Variants in XYLT1 observed in about 807,000 individuals in gnomAD.
XYLT1 encodes the protein beta-D-xylosyltransferase 1.
Under a neutral mutation model 91.3 loss-of-function variants are expected in XYLT1, and 36 were observed. The ratio of observed to expected loss-of-function variants is 0.39; its 90% CI spans 0.30 to 0.52. The LOEUF (loss-of-function observed/expected upper bound fraction) is 0.52, where lower values mean the gene tolerates loss of function less well. Among genes scored for constraint, XYLT1 ranks in the 20% least tolerant of loss-of-function variants. The probability of loss-of-function intolerance (pLI) is 0.68; values close to 1 mark genes in which losing one functional copy is unlikely to be tolerated. For missense variants in XYLT1, 1,242 were observed against 1,284.5 expected (o/e 0.97, Z 0.51); for synonymous variants, 588 against 532.0 (o/e 1.11, Z -1.45).
At chr16:17,374,718 CA>C (rs1010894897) in intron 1 of XYLT1, among the ~76,000 whole-genome samples, 3 of 149,882 alleles carry the variant, frequency 2.0e-5, no homozygotes, top group Admixed American at 2.0e-4. Flanking sequence ...AATAGAAGGA[CA>C]AAAAAAATCA....
chr16:17,111,437 G>A (rs1483050282), intron 11 of XYLT1, among the ~76,000 whole-genome samples: 2 of 152,084 alleles, frequency 1.3e-5, no homozygotes, highest in African/African-American at 2.4e-5. Flanking sequence ...GGTGAGTTGC[G>A]CTTTACCAAA....
At chr16:17,385,878 A>G (rs906921193) in intron 1 of XYLT1, among the ~76,000 whole-genome samples, 1 of 152,224 alleles carries the variant, frequency 6.6e-6, no homozygotes, top group Non-Finnish European at 1.5e-5. Context: ...TACTCAACTA[A>G]CAGTGGCAAT....
intron 1 of XYLT1, among the ~76,000 whole-genome samples, chr16:17,372,649 T>C (rs1596509251): frequency 6.6e-6 from 1 of 152,234 alleles, no homozygotes; most frequent in East Asian, 1.9e-4. Flanking sequence ...TTTCCATTCA[T>C]TATCTTCTTC....
chr16:17,170,864 G>T (rs1437698616), intron 5 of XYLT1, among the ~76,000 whole-genome samples: 2 of 152,210 alleles, frequency 1.3e-5, no homozygotes, highest in Non-Finnish European at 2.9e-5. Flanking sequence ...TGACATCAGA[G>T]AAATGTAGGT....
intron 3 of XYLT1, among the ~76,000 whole-genome samples, chr16:17,228,704 C>T (rs903259603): frequency 2.6e-5 from 4 of 152,126 alleles, no homozygotes; most frequent in South Asian, 4.1e-4. Context: ...TTTGCTCCTC[C>T]GGACCTGTGT....
intron 5 of XYLT1, among the ~76,000 whole-genome samples, chr16:17,187,558 C>T (rs1333156605): frequency 1.8e-4 from 18 of 101,230 alleles, no homozygotes; most frequent in Non-Finnish European, 2.8e-4. Flanking sequence ...CAGAGCCAAA[C>T]GCTGTCTCAA....
intron 3 of XYLT1, among the ~76,000 whole-genome samples, chr16:17,243,026 C>T (rs1274757175): frequency 6.6e-6 from 1 of 152,174 alleles, no homozygotes; most frequent in African/African-American, 2.4e-5. Context: ...TTCATGGACA[C>T]CTGTGTTGCC....
chr16:17,359,118 C>T (rs1009656780), intron 1 of XYLT1, among the ~76,000 whole-genome samples: 12 of 152,228 alleles, frequency 7.9e-5, no homozygotes, highest in Non-Finnish European at 1.6e-4. Context: ...CACATGAAGG[C>T]TATTTCTGTC....
chr16:17,407,783 G>A (rs561461302), intron 1 of XYLT1, among the ~76,000 whole-genome samples: 1 of 152,358 alleles, frequency 6.6e-6, no homozygotes, highest in East Asian at 1.9e-4. Context: ...TTAGATGTGT[G>A]TCCCCTCCAA....
intron 5 of XYLT1, among the ~76,000 whole-genome samples, chr16:17,197,130 C>T (rs564254353): frequency 6.6e-6 from 1 of 151,258 alleles, no homozygotes; most frequent in South Asian, 2.1e-4. Context: ...ACGATCTGGC[C>T]TCAAATTACT....
intron 5 of XYLT1, among the ~76,000 whole-genome samples, chr16:17,183,794 T>C (rs917273782): frequency 3.3e-5 from 5 of 152,060 alleles, no homozygotes; most frequent in African/African-American, 1.2e-4. Context: ...TGACTCAGGG[T>C]GGGAGCAAGG....
chr16:17,357,703 C>T (rs13332845), intron 2 of XYLT1, among the ~76,000 whole-genome samples: 7,096 of 152,246 alleles, frequency 0.047, 521 homozygotes, highest in African/African-American at 0.16. Context: ...TTGCATGAAC[C>T]TCCGCATGAT....
At chr16:17,176,614 C>A (rs2031949591) in intron 5 of XYLT1, among the ~76,000 whole-genome samples, 1 of 152,198 alleles carries the variant, frequency 6.6e-6, no homozygotes, top group Non-Finnish European at 1.5e-5. Context: ...AGTTCCAGAT[C>A]CAGCTTACAG....
intron 3 of XYLT1, among the ~76,000 whole-genome samples, chr16:17,204,449 T>C (rs2032602751): frequency 6.6e-6 from 1 of 150,766 alleles, no homozygotes; most frequent in East Asian, 2.0e-4. Context: ...AACCCAGAGC[T>C]CTTCTGAGTA....
intron 1 of XYLT1, among the ~76,000 whole-genome samples, chr16:17,465,143 C>CA (rs35623153): frequency 0.6 from 21,351 of 35,754 alleles, 8,221 homozygotes; most frequent in Non-Finnish European, 0.64. Context: ...GATGCTGTCT[C>CA]AAAAAAAAAA....
At chr16:17,377,566 C>A (rs184266736) in intron 1 of XYLT1, among the ~76,000 whole-genome samples, 1 of 151,658 alleles carries the variant, frequency 6.6e-6, no homozygotes, top group Non-Finnish European at 1.5e-5. Context: ...CCCTGCCCAA[C>A]AAACACATTC....
intron 1 of XYLT1, among the ~76,000 whole-genome samples, chr16:17,379,828 A>T (rs930507951): frequency 6.6e-6 from 1 of 151,046 alleles, no homozygotes; most frequent in African/African-American, 2.4e-5. Flanking sequence ...ATTCACTCTC[A>T]AGACACTTTT....
At chr16:17,406,999 ATTTTTT>A (rs1235740735) in intron 1 of XYLT1, among the ~76,000 whole-genome samples, 1 of 151,914 alleles carries the variant, frequency 6.6e-6, no homozygotes, top group Non-Finnish European at 1.5e-5. Flanking sequence ...CTTTATTTTT[ATTTTTT>A]AATTTAATTT....
intron 3 of XYLT1, among the ~76,000 whole-genome samples, chr16:17,240,831 C>T (rs2033334532): frequency 6.6e-6 from 1 of 152,108 alleles, no homozygotes; most frequent in South Asian, 2.1e-4. Flanking sequence ...TATCATTAGC[C>T]CCATTTTAGA....
Sources: gnomAD v4.1 joint callset for allele counts (sites outside exome capture counted in the v4.1 genomes callset) on GRCh38, gnomAD v4.1.1 for gene constraint, MANE v1.5 for transcripts, NCBI Gene and HGNC (gene_info 2026-07-23, HGNC 2026-07-21) for gene names.